Variants in ZNF277 observed in about 807,000 individuals in gnomAD.
ZNF277 encodes the protein nuclear receptor-interacting factor 4.
A neutral mutation model predicts 60.7 loss-of-function variants in ZNF277; 55 were observed. That is an observed-to-expected ratio of 0.91 (90% CI 0.73 to 1.13). The LOEUF is 1.13. Among genes scored for constraint, ZNF277 ranks in the 50% most tolerant of loss-of-function variants. The pLI is 0.00. For synonymous variants in ZNF277, 178 were observed against 179.3 expected, an observed-to-expected ratio of 0.99 and a Z score of 0.06; for missense variants, 510 against 523.0, an observed-to-expected ratio of 0.98 and a Z score of 0.24.
chr7:112,337,791 G>C lies in ZNF277; in HGVS notation c.931G>C (p.Ala311Pro), dbSNP rs781281507. 6.2e-6 allele frequency: 10 copies of C among 1,612,346 alleles called. No homozygotes were observed. In the Admixed American group the frequency reaches 6.7e-5, roughly 11 times the overall value. Reference sequence around the variant, plus strand: ...AGTCTGCTTATTTTGTGAAAAGCAAGCAGAAACAATTGAGAAGTTGTATGT... The same window carrying C: ...AGTCTGCTTATTTTGTGAAAAGCAACCAGAAACAATTGAGAAGTTGTATGT... The part of the protein sequence containing the change: ...SAVCLFCEKQ[A>P]ETIEKLYVHM... Residue 311 changes from alanine to proline, a missense_variant, in exon 9 of 12, where the codon GCA becomes CCA. Physicochemically the swap from Ala to Pro is conservative, Grantham distance 27. Coordinates refer to ENST00000361822, the MANE Select transcript of ZNF277 (RefSeq NM_021994.3).
chr7:112,208,975 G>A (rs1042637748), intron 1 of ZNF277, among the ~76,000 whole-genome samples: 35 of 152,094 alleles, frequency 2.3e-4, no homozygotes, highest in African/African-American at 7.0e-4. Flanking sequence ...CACCGCGCCC[G>A]GCCTATGATT....
At position 112,224,329 on chromosome 7, in the gene ZNF277, A is replaced by C. The variant is rs139604068; in HGVS notation, c.91+17522A>C. ...TGTAAACAAATTTCATAATGTTTTA[A>C]GAAAGTTTACAAATTTGTGTTGGAC... On this transcript the variant is annotated intron_variant, in intron 1 of 11. Coordinates refer to ENST00000361822, the MANE Select transcript of ZNF277 (RefSeq NM_021994.3). Among the ~76,000 whole-genome samples the C allele has an allele frequency of 1.4e-4, 22 of 152,374 alleles. No homozygotes were observed. In the East Asian group the frequency reaches 1.9e-3, roughly 13 times the overall value.
chr7:112,278,317 C>G (rs1355431920), intron 1 of ZNF277, among the ~76,000 whole-genome samples: 2 of 152,186 alleles, frequency 1.3e-5, no homozygotes, highest in African/African-American at 4.8e-5. Flanking sequence ...TTTGCACCAA[C>G]CTAACCTCGG....
At chr7:112,253,637 G>A (rs1299092423) in intron 1 of ZNF277, among the ~76,000 whole-genome samples, 2 of 152,044 alleles carry the variant, frequency 1.3e-5, no homozygotes, top group South Asian at 2.1e-4. Context: ...GTAGCCCCCA[G>A]CCTCAGGGCC....
At chr7:112,222,922 G>A (rs1040492659) in intron 1 of ZNF277, among the ~76,000 whole-genome samples, 1 of 152,160 alleles carries the variant, frequency 6.6e-6, no homozygotes, top group African/African-American at 2.4e-5. Flanking sequence ...GCAGAAAAAT[G>A]TGAAAAGAGA....
intron 1 of ZNF277, among the ~76,000 whole-genome samples, chr7:112,223,138 G>A (rs1822078351): frequency 6.6e-6 from 1 of 152,126 alleles, no homozygotes; most frequent in Non-Finnish European, 1.5e-5. Context: ...CATTAGTTCT[G>A]TCCCTCTAGA....
chr7:112,330,233 A>G lies in ZNF277; in HGVS notation c.801+17A>G. The G allele has an allele frequency of 6.2e-7, 1 of 1,610,398 alleles. No individual in the cohort carries two copies. The highest frequency in any genetic ancestry group is 1.1e-5 in the South Asian group (1 of 90,900). On this transcript the variant is annotated intron_variant, in intron 7 of 11. Coordinates refer to ENST00000361822, the MANE Select transcript of ZNF277 (RefSeq NM_021994.3). ...AATTATTTGGTAAGGCTTTCTTTTC[A>G]TAACTTAAAATTTGATTGCAGTACT...
At chr7:112,303,107 C>G (rs1190912303) in intron 4 of ZNF277, among the ~76,000 whole-genome samples, 5 of 151,870 alleles carry the variant, frequency 3.3e-5, no homozygotes, top group African/African-American at 1.2e-4. Context: ...TATGCCACCA[C>G]ACCCAGCTAA....
chr7:112,273,734 C>T (rs896803127), intron 1 of ZNF277, among the ~76,000 whole-genome samples: 1 of 152,076 alleles, frequency 6.6e-6, no homozygotes, highest in Non-Finnish European at 1.5e-5. Flanking sequence ...CCAACCTCGG[C>T]AACAGAGCGA....
intron 1 of ZNF277, among the ~76,000 whole-genome samples, chr7:112,242,865 A>G (rs544119176): frequency 2.8e-4 from 42 of 152,156 alleles, no homozygotes; most frequent in Non-Finnish European, 4.9e-4. Flanking sequence ...AGCCAAAGCA[A>G]TCCTAAGCAA....
intron 5 of ZNF277, 138 bp from the exon 6 acceptor site, chr7:112,327,579 A>G (rs143630153): frequency 7.8e-5 from 51 of 651,546 alleles, no homozygotes; most frequent in Admixed American, 1.7e-4. Flanking sequence ...TCACTCTTTA[A>G]TAGCTGAAAT....
chr7:112,330,559 T>C (rs1189262704), intron 7 of ZNF277: 1 of 264,328 alleles, frequency 3.8e-6, no homozygotes, highest in African/African-American at 2.2e-5. Flanking sequence ...TTTTTTTTTT[T>C]TTTTTTTTTT....
chr7:112,264,150 A>G (rs1238485086), intron 1 of ZNF277, among the ~76,000 whole-genome samples: 2 of 151,642 alleles, frequency 1.3e-5, no homozygotes, highest in Non-Finnish European at 2.9e-5. Flanking sequence ...GGCCAGGGCA[A>G]TGGGTTTTGA....
Position 112,247,695 on chromosome 7 carries a change from C to T in ZNF277, c.92-39178C>T, listed in dbSNP as rs192915829. 1.6e-3 allele frequency among the ~76,000 whole-genome samples: 244 copies of T among 152,166 alleles called. 1 individual carries two copies. Among genetic ancestry groups the T allele is most frequent in the East Asian group, 0.013 (67 of 5,172 alleles). On this transcript the variant is annotated intron_variant, in intron 1 of 11. Coordinates refer to ENST00000361822, the MANE Select transcript of ZNF277 (RefSeq NM_021994.3). Reference sequence around the variant, plus strand: ...TTGTAACATAATAGGCATCCAGGCACGGATGCTCATGCCTGTAATCCCACC... The same window carrying T: ...TTGTAACATAATAGGCATCCAGGCATGGATGCTCATGCCTGTAATCCCACC...
At position 112,295,826 on chromosome 7, in the gene ZNF277, A is replaced by G. The variant is rs749164196; in HGVS notation, c.294-43A>G. 9.1e-6 allele frequency: 13 copies of G among 1,427,790 alleles called. No homozygotes were observed. The East Asian group carries it at 1.1e-4, about 13-fold the overall frequency. 88.4% of individuals were successfully genotyped at this position (1,427,790 alleles called of 1,614,324 possible). On this transcript the variant is annotated intron_variant, in intron 2 of 11. Transcript: ENST00000361822. ...TTCCTGTCATTCTAAAGCAAATAGTATATTGAATCTTCTCATCGTTCCTTA... is the reference window on the plus strand; with the variant it reads ...TTCCTGTCATTCTAAAGCAAATAGTGTATTGAATCTTCTCATCGTTCCTTA...
At chr7:112,301,541 C>G (rs985714421) in intron 4 of ZNF277, among the ~76,000 whole-genome samples, 1 of 152,150 alleles carries the variant, frequency 6.6e-6, no homozygotes, top group Non-Finnish European at 1.5e-5. Context: ...ATAAACATTA[C>G]TTTTCTCACA....
At chr7:112,207,603 A>G (rs962049657) in intron 1 of ZNF277, among the ~76,000 whole-genome samples, 1 of 152,126 alleles carries the variant, frequency 6.6e-6, no homozygotes, top group Non-Finnish European at 1.5e-5. Context: ...CTGCAGGTGG[A>G]TTGTGTTTAG....
At chr7:112,330,832 C>T (rs1040003409) in intron 7 of ZNF277, among the ~76,000 whole-genome samples, 1 of 152,258 alleles carries the variant, frequency 6.6e-6, no homozygotes, top group East Asian at 1.9e-4. Context: ...GAACCACCAG[C>T]CTTGCCCTCC....
At chr7:112,253,539 C>A (rs1392723903) in intron 1 of ZNF277, among the ~76,000 whole-genome samples, 1 of 152,090 alleles carries the variant, frequency 6.6e-6, no homozygotes, top group East Asian at 1.9e-4. Context: ...TACCTTTCTC[C>A]ATTCCTCATC....
Sources: gnomAD v4.1 joint callset for allele counts (sites outside exome capture counted in the v4.1 genomes callset) on GRCh38, gnomAD v4.1.1 for gene constraint, MANE v1.5 for transcripts, NCBI Gene and HGNC (gene_info 2026-07-23, HGNC 2026-07-21) for gene names.